Variants in NRG1 observed in about 807,000 individuals in gnomAD.
NRG1 encodes pro-neuregulin-1, membrane-bound isoform.
NRG1 carries 18 observed loss-of-function variants against 63.8 expected under a neutral mutation model. The observed-to-expected ratio is 0.28, with a 90% CI of 0.19 to 0.42. NRG1 has a LOEUF of 0.42. Ranked by LOEUF, NRG1 falls within the 10% of genes least tolerant of loss-of-function variation. The pLI is 1.00. For missense variants in NRG1, 762 were observed against 814.7 expected, an observed-to-expected ratio of 0.94 and a Z score of 0.79; for synonymous variants, 302 against 301.3, an observed-to-expected ratio of 1.00 and a Z score of -0.02.
intron 1 of NRG1, among the ~76,000 whole-genome samples, chr8:32,308,806 C>T (rs779021140): frequency 3.3e-5 from 5 of 152,134 alleles, no homozygotes; most frequent in East Asian, 1.9e-4. Flanking sequence ...TGTCACTTTG[C>T]GGGAGAATGA....
rs1246283615 is a variant in NRG1, at chr8:32,457,241, C to T, written c.38-138587C>T. Reference sequence around the variant, plus strand: ...TACATGGTAGTTGCATTGATCTGTCCATCCTGGTGCCACATATAGAACATC... The same window carrying T: ...TACATGGTAGTTGCATTGATCTGTCTATCCTGGTGCCACATATAGAACATC... On this transcript the variant is annotated intron_variant, in intron 1 of 10. Coordinates refer to the NRG1 transcript ENST00000519301. 3.3e-5 allele frequency among the ~76,000 whole-genome samples: 5 copies of T among 152,200 alleles called. No individual in the cohort carries two copies. The East Asian group carries it at 9.6e-4, about 29-fold the overall frequency.
intron 1 of NRG1, among the ~76,000 whole-genome samples, chr8:31,676,145 A>G (rs763676356): frequency 2.2e-4 from 34 of 152,096 alleles, no homozygotes; most frequent in Admixed American, 4.6e-4. Context: ...TTTGGATTGT[A>G]GGTGGGTAAG....
intron 1 of NRG1, among the ~76,000 whole-genome samples, chr8:31,779,807 T>C (rs1262683175): frequency 1.3e-5 from 2 of 152,238 alleles, no homozygotes; most frequent in Non-Finnish European, 2.9e-5. Context: ...TTTTCTATTA[T>C]ATAAAATGAG....
At position 31,831,453 on chromosome 8, in the gene NRG1, T is replaced by C. The variant is rs558515334; in HGVS notation, c.37+192022T>C. Among the ~76,000 whole-genome samples the C allele has an allele frequency of 3.9e-5, 6 of 152,310 alleles. No homozygotes were observed. In the South Asian group the frequency reaches 1.2e-3, roughly 32 times the overall value. The stretch of plus-strand genomic sequence containing the variant: ...TTTTTTTTGGAAATTACAGGGCATA[T>C]AGCTTTGTGCTTTATTCAAAATGTC... On this transcript the variant is annotated intron_variant, in intron 1 of 10. Transcript: ENST00000519301.
chr8:32,467,703 C>T (rs1352551319), intron 1 of NRG1, among the ~76,000 whole-genome samples: 2 of 152,024 alleles, frequency 1.3e-5, no homozygotes, highest in African/African-American at 2.4e-5. Flanking sequence ...CTCTACATGG[C>T]AATAGAAAGT....
chr8:32,412,453 CATATAT>C (rs368054524), intron 1 of NRG1, among the ~76,000 whole-genome samples: 30,152 of 76,756 alleles, frequency 0.39, 4,835 homozygotes, highest in South Asian at 0.49. Flanking sequence ...TATATATATA[CATATAT>C]ATATATATAT....
chr8:31,724,061 G>A (rs6468063), intron 1 of NRG1, among the ~76,000 whole-genome samples: 1,657 of 152,122 alleles, frequency 0.011, 33 homozygotes, highest in African/African-American at 0.038. Context: ...CTTAATAAAA[G>A]TGAATTGATA....
intron 7 of NRG1, chr8:32,743,066 T>C (rs1440553058): frequency 9.1e-7 from 1 of 1,101,564 alleles, no homozygotes; most frequent in African/African-American, 1.6e-5. Context: ...CTTTTATTGA[T>C]AAAATAAAAA....
intron 1 of NRG1, among the ~76,000 whole-genome samples, chr8:32,180,357 C>T (rs377404142): frequency 5.1e-4 from 78 of 152,226 alleles, no homozygotes; most frequent in Non-Finnish European, 8.7e-4. Flanking sequence ...TTTGGCATTC[C>T]AGAGGTGCCC....
chr8:32,316,199 C>A (rs567010748), intron 1 of NRG1, among the ~76,000 whole-genome samples: 2 of 152,134 alleles, frequency 1.3e-5, no homozygotes, highest in Non-Finnish European at 2.9e-5. Flanking sequence ...CCTAAGGGAC[C>A]GGGCGCGGTG....
At chr8:31,793,968 TC>T (rs1360920154) in intron 1 of NRG1, among the ~76,000 whole-genome samples, 1 of 152,110 alleles carries the variant, frequency 6.6e-6, no homozygotes, top group Non-Finnish European at 1.5e-5. Flanking sequence ...ATTTTCTCTC[TC>T]TTTGGAATCT....
chr8:32,272,097 G>A (rs1430237788), intron 1 of NRG1, among the ~76,000 whole-genome samples: 1 of 152,004 alleles, frequency 6.6e-6, no homozygotes, highest in African/African-American at 2.4e-5. Context: ...TCTGGAATAG[G>A]GACTATCTTA....
chr8:31,699,964 C>T (rs191795772), intron 1 of NRG1, among the ~76,000 whole-genome samples: 17 of 152,254 alleles, frequency 1.1e-4, no homozygotes, highest in African/African-American at 1.9e-4. Context: ...CATAAAAATA[C>T]GAAAACCTTT....
intron 1 of NRG1, among the ~76,000 whole-genome samples, chr8:31,874,486 A>G (rs1829745961): frequency 6.6e-6 from 1 of 152,120 alleles, no homozygotes; most frequent in African/African-American, 2.4e-5. Flanking sequence ...TTTTGCATCA[A>G]CCTAATATTT....
At position 31,640,334 on chromosome 8, in the gene NRG1, C is replaced by T. The variant is rs367543157; in HGVS notation, c.37+903C>T. 4.3e-3 allele frequency: 5,068 copies of T among 1,183,460 alleles called. 43 individuals are homozygous for T. Among genetic ancestry groups the T allele is most frequent in the Non-Finnish European group, 3.8e-3 (3,600 of 958,058 alleles). 73.3% of individuals were successfully genotyped at this position (1,183,460 alleles called of 1,614,324 possible). Reference sequence around the variant, plus strand: ...GGGGCGTGGGGCGGCGATCGCGAGCCGCCAGCCGCGGGCCCACGGGCGCTG... The same window carrying T: ...GGGGCGTGGGGCGGCGATCGCGAGCTGCCAGCCGCGGGCCCACGGGCGCTG... On this transcript the variant is annotated intron_variant, in intron 1 of 10. Transcript: ENST00000519301. This position sits in a 1 kb window ranked among gnomAD's most constrained non-coding sequence, Gnocchi z 6.3.
intron 1 of NRG1, among the ~76,000 whole-genome samples, chr8:32,467,115 T>C (rs1432690114): frequency 6.6e-6 from 1 of 152,114 alleles, no homozygotes; most frequent in African/African-American, 2.4e-5. Flanking sequence ...GATATAGAAT[T>C]TGCAAGGCTG....
downstream of NRG1, among the ~76,000 whole-genome samples, chr8:32,769,202 G>A (rs144289707): frequency 3.5e-3 from 536 of 152,250 alleles, 4 homozygotes; most frequent in African/African-American, 0.012. Context: ...GCTTTGTAAC[G>A]AAATTGAACA....
At chr8:31,661,716 G>A (rs1806011208) in intron 1 of NRG1, among the ~76,000 whole-genome samples, 1 of 152,220 alleles carries the variant, frequency 6.6e-6, no homozygotes, top group Non-Finnish European at 1.5e-5. Context: ...TCTAAAAAAT[G>A]TCATCTGGAT....
intron 1 of NRG1, among the ~76,000 whole-genome samples, chr8:32,238,217 A>G (rs1361910469): frequency 6.6e-6 from 1 of 151,992 alleles, no homozygotes; most frequent in Non-Finnish European, 1.5e-5. Flanking sequence ...AATCCCAGCA[A>G]TTTGGGAAGC....
Sources: allele counts gnomAD v4.1 joint callset (sites outside exome capture counted in the v4.1 genomes callset), GRCh38; gene constraint gnomAD v4.1.1; non-coding constraint Gnocchi (gnomAD v3.1); transcripts MANE v1.5; gene names NCBI Gene and HGNC (gene_info 2026-07-23, HGNC 2026-07-21).